Variants in ADAMTS6 observed in about 807,000 individuals in gnomAD.
The protein encoded by ADAMTS6 is A disintegrin and metalloproteinase with thrombospondin motifs 6.
A neutral mutation model predicts 144.3 loss-of-function variants in ADAMTS6; 23 were observed. The observed-to-expected ratio is 0.16, with a 90% CI of 0.11 to 0.23. ADAMTS6 has a LOEUF of 0.23. Ranked by LOEUF, ADAMTS6 falls within the 10% of genes least tolerant of loss-of-function variation. The pLI is 1.00. For synonymous variants in ADAMTS6, 444 were observed against 457.5 expected (o/e 0.97, Z 0.38); for missense variants, 999 against 1,379.6 (o/e 0.72, Z 4.37).
At chr5:65,350,315 A>G (rs1748739956) in intron 7 of ADAMTS6, among the ~76,000 whole-genome samples, 1 of 152,204 alleles carries the variant, frequency 6.6e-6, no homozygotes, top group African/African-American at 2.4e-5. Context: ...TCCTTCAGGC[A>G]TAAGTTAAAT....
At chr5:65,454,347 C>T (rs1390725347) in intron 4 of ADAMTS6, among the ~76,000 whole-genome samples, 1 of 152,092 alleles carries the variant, frequency 6.6e-6, no homozygotes. Flanking sequence ...ATCATGAGAC[C>T]CATCAGTTAA....
chr5:65,382,695 T>G (rs1423285996), intron 7 of ADAMTS6, among the ~76,000 whole-genome samples: 1 of 152,204 alleles, frequency 6.6e-6, no homozygotes, highest in Non-Finnish European at 1.5e-5. Flanking sequence ...GGAGTAGTCT[T>G]CTCATTGCCC....
At chr5:65,188,837 T>C (rs1334923844) in intron 21 of ADAMTS6, among the ~76,000 whole-genome samples, 1 of 152,204 alleles carries the variant, frequency 6.6e-6, no homozygotes, top group Non-Finnish European at 1.5e-5. Context: ...TTTATTATTA[T>C]CACATTGAGG....
chr5:65,177,224 C>A (rs918992901), intron 22 of ADAMTS6, among the ~76,000 whole-genome samples: 3 of 151,870 alleles, frequency 2.0e-5, no homozygotes, highest in African/African-American at 7.3e-5. Context: ...AGTCGTGGGC[C>A]ACAGTCCCAG....
At chr5:65,443,896 T>C (rs1276034654) in intron 7 of ADAMTS6, among the ~76,000 whole-genome samples, 10 of 152,138 alleles carry the variant, frequency 6.6e-5, no homozygotes, top group African/African-American at 2.4e-4. Context: ...CGGAATTCTT[T>C]CCTTGCTGAG....
At chr5:65,217,442 A>G (rs1362476294) in intron 18 of ADAMTS6, among the ~76,000 whole-genome samples, 1 of 152,000 alleles carries the variant, frequency 6.6e-6, no homozygotes, top group Non-Finnish European at 1.5e-5. Context: ...ATATATAACT[A>G]ATGGTGCCAT....
chr5:65,465,906 C>T (rs1376297160), intron 3 of ADAMTS6, among the ~76,000 whole-genome samples: 1 of 152,210 alleles, frequency 6.6e-6, no homozygotes, highest in African/African-American at 2.4e-5. Flanking sequence ...CCCTTCAAAG[C>T]AATTTCATAT....
intron 9 of ADAMTS6, among the ~76,000 whole-genome samples, chr5:65,304,710 C>A (rs530150553): frequency 6.6e-6 from 1 of 152,018 alleles, no homozygotes; most frequent in Non-Finnish European, 1.5e-5. Context: ...GAATTGCAGG[C>A]GTGAGCCCCC....
At chr5:65,354,916 T>C (rs935756731) in intron 7 of ADAMTS6, among the ~76,000 whole-genome samples, 1 of 151,806 alleles carries the variant, frequency 6.6e-6, no homozygotes, top group Non-Finnish European at 1.5e-5. Flanking sequence ...TTAAGATAAA[T>C]GAAGTGTCGG....
chr5:65,264,268 G>A (rs1401928028), intron 12 of ADAMTS6, among the ~76,000 whole-genome samples: 1 of 152,076 alleles, frequency 6.6e-6, no homozygotes, highest in Non-Finnish European at 1.5e-5. Flanking sequence ...TAGATTTAGT[G>A]ATCTAGCCCC....
chr5:65,243,963 A>T (rs766078008), intron 14 of ADAMTS6, among the ~76,000 whole-genome samples: 1 of 152,152 alleles, frequency 6.6e-6, no homozygotes, highest in Non-Finnish European at 1.5e-5. Context: ...TGGAAAAACG[A>T]CCATGAAAAA....
Position 65,199,209 on chromosome 5 carries a change from AG to A in ADAMTS6, c.2576-2059del, listed in dbSNP as rs200088439. 6.0e-3 allele frequency among the ~76,000 whole-genome samples: 918 copies of A among 152,300 alleles called. 9 individuals carry two copies. Among genetic ancestry groups the A allele is most frequent in the African/African-American group, 0.02 (837 of 41,568 alleles). On this transcript the variant is annotated intron_variant, in intron 20 of 24. Transcript: ENST00000381055. The stretch of plus-strand genomic sequence containing the variant: ...CCAAAACATATCTTGGTTATTTCTC[AG>A]GAAGGAATAAACATTCTCAACACTA...
intron 24 of ADAMTS6, among the ~76,000 whole-genome samples, chr5:65,155,954 C>G (rs1017272379): frequency 6.6e-6 from 1 of 152,168 alleles, no homozygotes; most frequent in Non-Finnish European, 1.5e-5. Flanking sequence ...TCCCTTTATA[C>G]TTTTTGTCAC....
At chr5:65,283,691 CTG>C (rs1280376388) in intron 11 of ADAMTS6, among the ~76,000 whole-genome samples, 1 of 152,070 alleles carries the variant, frequency 6.6e-6, no homozygotes, top group Non-Finnish European at 1.5e-5. Context: ...TAAAACAACA[CTG>C]TAGAATATTT....
chr5:65,435,967 A>G (rs1369822904), intron 7 of ADAMTS6, among the ~76,000 whole-genome samples: 2 of 152,192 alleles, frequency 1.3e-5, no homozygotes, highest in Non-Finnish European at 2.9e-5. Flanking sequence ...TTTTTAAAAT[A>G]AAATGCACTT....
intron 3 of ADAMTS6, 143 bp from the exon 4 acceptor site, chr5:65,460,481 G>T: frequency 1.4e-6 from 1 of 727,602 alleles, no homozygotes; most frequent in Non-Finnish European, 2.2e-6. Context: ...CGAATTATCT[G>T]TACTCAATTA....
intron 20 of ADAMTS6, among the ~76,000 whole-genome samples, chr5:65,197,672 C>T (rs1413993408): frequency 6.6e-6 from 1 of 152,148 alleles, no homozygotes; most frequent in Non-Finnish European, 1.5e-5. Context: ...ATATATTTAT[C>T]TCTCTAAAAG....
intron 3 of ADAMTS6, among the ~76,000 whole-genome samples, chr5:65,467,544 T>G (rs1260480316): frequency 6.6e-6 from 1 of 152,150 alleles, no homozygotes; most frequent in Admixed American, 6.5e-5. Context: ...TTAAGACCTT[T>G]AAGTATTTTT....
intron 7 of ADAMTS6, among the ~76,000 whole-genome samples, chr5:65,350,364 C>T (rs1186478764): frequency 6.6e-6 from 1 of 152,080 alleles, no homozygotes; most frequent in Non-Finnish European, 1.5e-5. Flanking sequence ...ATAATCCCTG[C>T]TACTTTAATT....
Sources: gnomAD v4.1 joint callset for allele counts (sites outside exome capture counted in the v4.1 genomes callset) on GRCh38, gnomAD v4.1.1 for gene constraint, MANE v1.5 for transcripts, NCBI Gene and HGNC (gene_info 2026-07-23, HGNC 2026-07-21) for gene names.